LRFN3: variants seen among roughly 807,000 people sequenced by gnomAD.
LRFN3 encodes leucine rich repeat and fibronectin type III domain containing 3, also known as leucine-rich repeat and fibronectin type-III domain-containing protein 3.
A neutral mutation model predicts 23.8 loss-of-function variants in LRFN3; 8 were observed. That is an observed-to-expected ratio of 0.34 (90% confidence interval 0.20 to 0.61). The LOEUF (loss-of-function observed/expected upper bound fraction) is 0.61, where lower values mean the gene tolerates loss of function less well. LRFN3 is among the 20% of genes least tolerant of loss of function. The pLI is 0.80. For synonymous variants in LRFN3, 451 were observed against 450.6 expected (o/e 1.00, Z -0.01); for missense variants, 736 against 935.3 (o/e 0.79, Z 2.78).
intron 2 of LRFN3, among the ~76,000 whole-genome samples, chr19:35,942,351 C>T (rs1036159434): frequency 2.6e-5 from 4 of 152,174 alleles, no homozygotes; most frequent in Non-Finnish European, 5.9e-5. Context: ...CAACTTGTTC[C>T]CCCAAGCTGG....
rs189953791 is a variant in LRFN3, at chr19:35,944,938, G to C, written c.1806G>C (p.Glu602Asp). Residue 602 changes from glutamate (E) to aspartate (D), a missense_variant, in exon 3 of 3, where the codon GAG becomes GAC. By Grantham distance (45) the Glu-to-Asp change is conservative (BLOSUM62 2). Transcript: ENST00000246529. The surrounding 1 kb of genome is among the most constrained non-coding windows in gnomAD (Gnocchi z 4.5). ...PTPTPAPPAP[E>D]PAALRAHTVV... ...CCACGCCCGCCCCGCCCGCCCCGGA[G>C]CCCGCGGCGCTCAGGGCCCACACCG... The C allele has an allele frequency of 6.7e-7, 1 of 1,502,098 alleles. No individual in the cohort carries two copies. The highest frequency in any genetic ancestry group is 8.8e-7 in the Non-Finnish European group (1 of 1,135,946). The allele number at this position is 1,502,098 out of a possible 1,614,324, so 93.0% of individuals were successfully genotyped here. A position where few individuals can be genotyped will look rare whatever the true frequency, so the allele number is the denominator to read the frequency against.
rs971500128 is a variant in LRFN3, at chr19:35,945,283, C to G, written c.*264C>G. On this transcript the variant is annotated 3_prime_UTR_variant, in exon 3 of 3. Transcript: ENST00000246529. ...AATGCCTCCTTTGGGGAGACACCCCCTCCCCGCCCAGTTCAGTCTGAGGAC... is the reference window on the plus strand; with the variant it reads ...AATGCCTCCTTTGGGGAGACACCCCGTCCCCGCCCAGTTCAGTCTGAGGAC... 1 of 370,670 alleles carries G rather than the reference C, an allele frequency of 2.7e-6. No homozygotes were observed. The highest frequency in any genetic ancestry group is 2.1e-5 in the African/African-American group (1 of 46,892). The allele number at this position is 370,670 out of a possible 1,614,324, so 23.0% of individuals were successfully genotyped here. A position where few individuals can be genotyped will look rare whatever the true frequency, so the allele number is the denominator to read the frequency against.
intron 2 of LRFN3, among the ~76,000 whole-genome samples, chr19:35,943,235 T>C (rs1403437351): frequency 6.6e-6 from 1 of 151,688 alleles, no homozygotes; most frequent in Non-Finnish European, 1.5e-5. Context: ...TGAAATTGGG[T>C]GGTAAGGATT....
Position 35,944,519 on chromosome 19 carries a change from G to A in LRFN3, c.1416-29G>A. The A allele has an allele frequency of 7.1e-7, 1 of 1,400,572 alleles. No homozygotes were observed. The highest frequency in any genetic ancestry group is 1.5e-5 in the African/African-American group (1 of 67,162). 86.8% of individuals were successfully genotyped at this position (1,400,572 alleles called of 1,614,324 possible). ...ACAGGTTGGGGGCTGGGCAGCCTGA[G>A]ACCTGACCCCCACCTGCCTGCCCTG... On this transcript the variant is annotated intron_variant, in intron 2 of 2. Transcript: ENST00000246529. This position sits in a 1 kb window ranked among gnomAD's most constrained non-coding sequence, Gnocchi z 4.5.
At position 35,946,047 on chromosome 19, in the gene LRFN3, C is replaced by G. The variant is rs1219525147; in HGVS notation, c.*1028C>G. Among the ~76,000 whole-genome samples, 1 of 151,848 alleles carries G rather than the reference C, an allele frequency of 6.6e-6. No individual in the cohort carries two copies. The highest frequency in any genetic ancestry group is 2.4e-5 in the African/African-American group (1 of 41,302). On this transcript the variant is annotated 3_prime_UTR_variant, in exon 3 of 3. Coordinates refer to ENST00000246529, the MANE Select transcript of LRFN3 (RefSeq NM_024509.2). ...GCTGAGGCGGTGGGTTATGGAGCTG[C>G]GGGGCCATGGGGTGGGGCAGGAAGA...
At chr19:35,941,875 A>G (rs1321120023) in intron 2 of LRFN3, among the ~76,000 whole-genome samples, 3 of 150,662 alleles carry the variant, frequency 2.0e-5, no homozygotes, top group Non-Finnish European at 3.0e-5. Context: ...CACCCAGTGT[A>G]GATTTTTTCT....
rs1021628564 is a variant in LRFN3, at chr19:35,945,918, A to G, written c.*899A>G. Among the ~76,000 whole-genome samples, 11 of 152,140 alleles carry G rather than the reference A, an allele frequency of 7.2e-5. No homozygotes were observed. Among genetic ancestry groups the G allele is most frequent in the African/African-American group, 2.7e-4 (11 of 41,488 alleles). ...GACTGAAGCTGGGAGCCCCAGGGGA[A>G]GCTGGGGCAGGGACCTGGGTGGGTG... On this transcript the variant is annotated 3_prime_UTR_variant, in exon 3 of 3. Coordinates refer to ENST00000246529, the MANE Select transcript of LRFN3 (RefSeq NM_024509.2).
In LRFN3 at chr19:35,944,636, G is replaced by C. The variant is rs1223572020; in HGVS notation, c.1504G>C (p.Asp502His). The change falls in exon 3 of 3, where the codon GAC (aspartate) becomes CAC (histidine). Residue 502 changes from aspartate to histidine, a missense_variant. By Grantham distance (81) the Asp-to-His change is moderately conservative (BLOSUM62 -1). Coordinates refer to ENST00000246529, the MANE Select transcript of LRFN3 (RefSeq NM_024509.2). The surrounding 1 kb of genome is among the most constrained non-coding windows in gnomAD (Gnocchi z 4.5). ...YDLCVLAVYE[D>H]SATGLTATRP... ...TCTGTGCGTGCTCGCCGTGTATGAGGACAGCGCCACGGGGCTCACGGCCAC... is the reference window on the plus strand; with the variant it reads ...TCTGTGCGTGCTCGCCGTGTATGAGCACAGCGCCACGGGGCTCACGGCCAC... 6.3e-7 allele frequency: 1 copy of C among 1,583,258 alleles called. No individual in the cohort carries two copies. Among genetic ancestry groups the C allele is most frequent in the Non-Finnish European group, 8.5e-7 (1 of 1,170,156 alleles).
chr19:35,944,916 C>G lies in LRFN3; in HGVS notation c.1784C>G (p.Thr595Arg). Residue 595 changes from threonine (T) to arginine (R), a missense_variant, in exon 3 of 3, where the codon ACG (threonine) becomes AGG (arginine). Thr to Arg is a moderately conservative substitution (Grantham distance 71). Around this residue, in one of 2 missense-constraint regions of LRFN3, gnomAD observed 290 missense variants for 287.4 expected, o/e 1.01. Transcript: ENST00000246529. The surrounding 1 kb of genome is among the most constrained non-coding windows in gnomAD (Gnocchi z 4.5). ...AACGGCGCCCTGGGCCCCACGCCCA[C>G]GCCCGCCCCGCCCGCCCCGGAGCCC... is the stretch of plus-strand genomic sequence containing the variant. ...QTNGALGPTP[T>R]PAPPAPEPAA... 6.5e-7 allele frequency: 1 copy of G among 1,530,008 alleles called. No individual in the cohort carries two copies. Among genetic ancestry groups the G allele is most frequent in the South Asian group, 1.2e-5 (1 of 83,292 alleles). 94.8% of individuals were successfully genotyped at this position (1,530,008 alleles called of 1,614,324 possible). A position where few individuals can be genotyped will look rare whatever the true frequency, so the allele number is the denominator to read the frequency against.
At position 35,939,610 on chromosome 19, in the gene LRFN3, C is replaced by T; in HGVS notation, c.185C>T (p.Ala62Val). The T allele has an allele frequency of 6.2e-7, 1 of 1,609,066 alleles. No homozygotes were observed. The change falls in exon 2 of 3, where the codon GCC (alanine) becomes GTC (valine). Residue 62 changes from alanine to valine, a missense_variant. This residue lies in a region of LRFN3 where 446 missense variants were observed against 647.9 expected (regional missense o/e 0.69). Coordinates refer to ENST00000246529, the MANE Select transcript of LRFN3 (RefSeq NM_024509.2). This position sits in a 1 kb window ranked among gnomAD's most constrained non-coding sequence, Gnocchi z 6.4. ...CCACCCTCGCTGGACCGCCGGGCAG[C>T]CGAGCTGCGGCTGGCAGACAACTTC... ...FVPPSLDRRA[A>V]ELRLADNFIA...
chr19:35,939,332 C>A lies in LRFN3; in HGVS notation c.-16-78C>A. ...CCTTCTGCCCTCAGCCCACTGTGAC[C>A]TTCTCTCCTGGTCTCAGACCACCCC... On this transcript the variant is annotated intron_variant, in intron 1 of 2. Coordinates refer to ENST00000246529, the MANE Select transcript of LRFN3 (RefSeq NM_024509.2). This position sits in a 1 kb window ranked among gnomAD's most constrained non-coding sequence, Gnocchi z 6.4. 7.0e-7 allele frequency: 1 copy of A among 1,436,014 alleles called. No individual in the cohort carries two copies. Among genetic ancestry groups the A allele is most frequent in the Non-Finnish European group, 9.3e-7 (1 of 1,071,350 alleles). 89.0% of individuals were successfully genotyped at this position (1,436,014 alleles called of 1,614,324 possible). A position where few individuals can be genotyped will look rare whatever the true frequency, so the allele number is the denominator to read the frequency against.
chr19:35,941,522 T>C (rs1226744779), intron 2 of LRFN3, among the ~76,000 whole-genome samples: 1 of 152,030 alleles, frequency 6.6e-6, no homozygotes, highest in Non-Finnish European at 1.5e-5. Flanking sequence ...GGCTTCGGTG[T>C]GTGTGGTGTG....
chr19:35,940,900 G>A, intron 2 of LRFN3, 60 bp downstream of exon 2: 2 of 1,464,438 alleles, frequency 1.4e-6, no homozygotes, highest in Non-Finnish European at 1.8e-6. Flanking sequence ...GGAGGGTTGA[G>A]GGTACACCTA....
rs1244326821 is a variant in LRFN3, at chr19:35,940,785, A to T, written c.1360A>T (p.Ile454Phe). 1.2e-6 allele frequency: 2 copies of T among 1,609,462 alleles called. No individual in the cohort carries two copies. Among genetic ancestry groups the T allele is most frequent in the Admixed American group, 3.3e-5 (2 of 59,776 alleles). The change falls in exon 2 of 3, where the codon ATC (isoleucine) becomes TTC (phenylalanine). Residue 454 changes from isoleucine (I) to phenylalanine (F), a missense_variant. By Grantham distance (21) the Ile-to-Phe change is conservative. Transcript: ENST00000246529. ...GCCGGATCAGCGGCCTATCCCGGGC[A>T]TCCGCATGTACCAGATCCAGTACAA... ...QWPDQRPIPGIRMYQIQYNSS... is the reference protein window; with the variant it reads ...QWPDQRPIPGFRMYQIQYNSS...
intron 2 of LRFN3, among the ~76,000 whole-genome samples, chr19:35,942,579 C>T (rs998315001): frequency 1.3e-5 from 2 of 152,148 alleles, no homozygotes; most frequent in Admixed American, 6.6e-5. Flanking sequence ...TCCTTGGGGA[C>T]CTAGTAGTAC....
rs369169555 is a variant in LRFN3 at position 35,940,689 on chromosome 19, G to A, written c.1264G>A (p.Asp422Asn). 1.8e-5 allele frequency: 29 copies of A among 1,613,184 alleles called. No homozygotes were observed. The highest frequency in any genetic ancestry group is 9.3e-5 in the African/African-American group (7 of 74,932). Residue 422 changes from aspartate to asparagine, a missense_variant, in exon 2 of 3, where the codon GAC becomes AAC. This residue lies in a region of LRFN3 where 446 missense variants were observed against 647.9 expected (regional missense o/e 0.69). Coordinates refer to ENST00000246529, the MANE Select transcript of LRFN3 (RefSeq NM_024509.2). ...SAASASAKVADTGPPTDRGVQ... is the reference protein window; with the variant it reads ...SAASASAKVANTGPPTDRGVQ... ...TGCCTCTGCTTCTGCCAAGGTGGCC[G>A]ACACTGGGCCCCCTACCGACCGTGG...
rs1184508191 is a variant in LRFN3, at chr19:35,936,730, C to T, written c.-842C>T. 6.6e-6 allele frequency: 1 copy of T among 152,634 alleles called. No homozygotes were observed. The highest frequency in any genetic ancestry group is 1.9e-4 in the East Asian group (1 of 5,184). The allele number at this position is 152,634 out of a possible 1,614,324, so 9.5% of individuals were successfully genotyped here. The stretch of plus-strand genomic sequence containing the variant: ...CCGGACCCCGCGCCCTAACCTCCAC[C>T]TCGGGGGCCTGCACCCCCAGATTGA... On this transcript the variant is annotated 5_prime_UTR_variant, in exon 1 of 3. Coordinates refer to ENST00000246529, the MANE Select transcript of LRFN3 (RefSeq NM_024509.2).
chr19:35,945,478 G>C lies in LRFN3; in HGVS notation c.*459G>C, dbSNP rs1323066743. 6.4e-6 allele frequency: 1 copy of C among 157,270 alleles called. No homozygotes were observed. The highest frequency in any genetic ancestry group is 1.4e-5 in the Non-Finnish European group (1 of 71,798). 9.7% of individuals were successfully genotyped at this position (157,270 alleles called of 1,614,324 possible). A position where few individuals can be genotyped will look rare whatever the true frequency, so the allele number is the denominator to read the frequency against. ...ACAGACACATCCCCAGACAGTGATA[G>C]CACAGAGTGACCAGGGATGTGGGGA... On this transcript the variant is annotated 3_prime_UTR_variant, in exon 3 of 3. Coordinates refer to ENST00000246529, the MANE Select transcript of LRFN3 (RefSeq NM_024509.2).
At position 35,944,297 on chromosome 19, in the gene LRFN3, A is replaced by T. The variant is rs1466709508; in HGVS notation, c.1416-251A>T. Among the ~76,000 whole-genome samples the T allele has an allele frequency of 1.3e-5, 2 of 152,222 alleles. No individual in the cohort carries two copies. The highest frequency in any genetic ancestry group is 2.9e-5 in the Non-Finnish European group (2 of 68,024). On this transcript the variant is annotated intron_variant, in intron 2 of 2. Transcript: ENST00000246529. This position sits in a 1 kb window ranked among gnomAD's most constrained non-coding sequence, Gnocchi z 4.5. ...TGGGACTAGAGTGAAAATGGGCAGC[A>T]GGCTATGAGGACGTGTGAGAGGGTG...
Sources: allele counts gnomAD v4.1 joint callset (sites outside exome capture counted in the v4.1 genomes callset), GRCh38; gene constraint gnomAD v4.1.1; regional missense constraint gnomAD v4.1.1; non-coding constraint Gnocchi (gnomAD v3.1); transcripts MANE v1.5; gene names NCBI Gene and HGNC (gene_info 2026-07-23, HGNC 2026-07-21).